Variants in MACC1 observed in about 807,000 individuals in gnomAD.
MACC1 encodes the protein metastasis-associated in colon cancer protein 1.
Under a neutral mutation model 70.7 loss-of-function variants are expected in MACC1, and 79 were observed. The ratio of observed to expected loss-of-function variants is 1.12; its 90% CI spans 0.93 to 1.35. The LOEUF (loss-of-function observed/expected upper bound fraction) is 1.35, where lower values mean the gene tolerates loss of function less well. Among genes scored for constraint, MACC1 ranks in the 40% most tolerant of loss-of-function variants. The probability of loss-of-function intolerance (pLI) is 0.00; values close to 1 mark genes in which losing one functional copy is unlikely to be tolerated. For missense variants in MACC1, 1,106 were observed against 978.1 expected (o/e 1.13, Z -1.74); for synonymous variants, 361 against 347.2 (o/e 1.04, Z -0.44).
intron 1 of MACC1, among the ~76,000 whole-genome samples, chr7:20,204,228 C>T (rs896703618): frequency 3.3e-5 from 5 of 152,088 alleles, no homozygotes; most frequent in Non-Finnish European, 7.4e-5. Context: ...GATCTCGGCT[C>T]ACTGCAAACT....
In MACC1 at chr7:20,137,991, A is replaced by G. The variant is rs1282097759; in HGVS notation, c.*2955T>C. 6.6e-6 allele frequency: 1 copy of G among 151,812 alleles called. No homozygotes were observed. The highest frequency in any genetic ancestry group is 1.5e-5 in the Non-Finnish European group (1 of 67,958). The allele number at this position is 151,812 out of a possible 1,614,324, so 9.4% of individuals were successfully genotyped here. ...AAAATGGTAAAACCTTGTCTCCACT[A>G]AAAATACAAAAATTACCCGGACAAG... On this transcript the variant is annotated 3_prime_UTR_variant, in exon 7 of 7. Transcript: ENST00000400331.
intron 2 of MACC1, 131 bp from the exon 3 acceptor site, chr7:20,164,530 T>A (rs1295329508): frequency 6.6e-6 from 1 of 152,012 alleles, no homozygotes; most frequent in Non-Finnish European, 1.5e-5. Flanking sequence ...AATTGTCTCA[T>A]AAGGTGGCAT....
rs1490927554 is a variant in MACC1 at position 20,136,866 on chromosome 7, TAA to T, written c.*4078_*4079del. 1.4e-5 allele frequency: 2 copies of T among 141,040 alleles called. No homozygotes were observed. Among genetic ancestry groups the T allele is most frequent in the Non-Finnish European group, 3.2e-5 (2 of 62,244 alleles). The allele number at this position is 141,040 out of a possible 1,614,324, so 8.7% of individuals were successfully genotyped here. On this transcript the variant is annotated 3_prime_UTR_variant, in exon 7 of 7. Coordinates refer to ENST00000400331, the MANE Select transcript of MACC1 (RefSeq NM_182762.4). ...ATTATTAATTGTAATTATTAATTCT[TAA>T]AGATTATTAATTATAATATTAAATT...
chr7:20,198,217 C>A (rs1214982519), intron 1 of MACC1, among the ~76,000 whole-genome samples: 2 of 152,140 alleles, frequency 1.3e-5, no homozygotes, highest in East Asian at 3.9e-4. Flanking sequence ...AGAAGCAAAC[C>A]ATTACCAAAG....
rs55989776 is a variant in MACC1, at chr7:20,140,884, G to GAC, written c.*60_*61dup. On this transcript the variant is annotated 3_prime_UTR_variant, in exon 7 of 7. Transcript: ENST00000400331. ...ACAGAGACACACACAGACACACACA[G>GAC]ACACACACACACACACACCATTACC... is the stretch of plus-strand genomic sequence containing the variant. 451,098 of 981,514 alleles carry GAC rather than the reference G, an allele frequency of 0.46. 71,867 individuals carry two copies. Among genetic ancestry groups the GAC allele is most frequent in the East Asian group, 0.63 (22,116 of 35,000 alleles). The allele number at this position is 981,514 out of a possible 1,614,324, so 60.8% of individuals were successfully genotyped here. A position where few individuals can be genotyped will look rare whatever the true frequency, so the allele number is the denominator to read the frequency against.
chr7:20,166,446 G>A (rs73082550), intron 2 of MACC1, among the ~76,000 whole-genome samples: 10,485 of 152,194 alleles, frequency 0.069, 554 homozygotes, highest in East Asian at 0.27. Flanking sequence ...TGGCCTTACT[G>A]GATCTTACCC....
At chr7:20,198,719 A>C (rs1782789516) in intron 1 of MACC1, 1 of 152,238 alleles carries the variant, frequency 6.6e-6, no homozygotes, top group East Asian at 1.9e-4. Context: ...AGCCAAAATT[A>C]CTTGTATATT....
At chr7:20,204,196 A>C (rs1034391881) in intron 1 of MACC1, among the ~76,000 whole-genome samples, 3 of 151,944 alleles carry the variant, frequency 2.0e-5, no homozygotes, top group Non-Finnish European at 4.4e-5. Context: ...GCTCTGTTGC[A>C]CAGGCTGGAG....
chr7:20,154,725 A>G (rs1479390088), intron 5 of MACC1, among the ~76,000 whole-genome samples: 1 of 152,176 alleles, frequency 6.6e-6, no homozygotes, highest in East Asian at 1.9e-4. Context: ...AAGTTCCGGC[A>G]GTCTCTAATT....
At position 20,134,720 on chromosome 7, in the gene MACC1, T is replaced by C. The variant is rs1444603853; in HGVS notation, c.*6226A>G. 1 of 152,212 alleles carries C rather than the reference T, an allele frequency of 6.6e-6. No individual in the cohort carries two copies. The highest frequency in any genetic ancestry group is 1.5e-5 in the Non-Finnish European group (1 of 68,026). 9.4% of individuals were successfully genotyped at this position (152,212 alleles called of 1,614,324 possible). ...TAAATGCCCCAGTAAATTCCATGTATTGAGTTTAAGTGAGCATATAAACAT... is the reference window on the plus strand; with the variant it reads ...TAAATGCCCCAGTAAATTCCATGTACTGAGTTTAAGTGAGCATATAAACAT... On this transcript the variant is annotated 3_prime_UTR_variant, in exon 7 of 7. Transcript: ENST00000400331.
rs770118195 is a variant in MACC1, at chr7:20,159,288, G to T, written c.1073C>A (p.Pro358Gln). 6.2e-7 allele frequency: 1 copy of T among 1,614,058 alleles called. No homozygotes were observed. The highest frequency in any genetic ancestry group is 2.2e-5 in the East Asian group (1 of 44,860). ...GATATAATCCCAAATGGTGGCAGCT[G>T]GTGACGGAAGAGCTTTAGCTTGTGC... ...VAAQAKALPS[P>Q]AATIWDYIHK... Residue 358 changes from proline to glutamine, a missense_variant, in exon 5 of 7, where the codon CCA (proline) becomes CAA (glutamine). Physicochemically the swap from Pro to Gln is moderately conservative, Grantham distance 76. Coordinates refer to ENST00000400331, the MANE Select transcript of MACC1 (RefSeq NM_182762.4).
intron 1 of MACC1, among the ~76,000 whole-genome samples, chr7:20,178,295 A>T (rs1191157463): frequency 2.4e-5 from 1 of 41,836 alleles, no homozygotes; most frequent in Non-Finnish European, 3.8e-5. Context: ...ACACACACAC[A>T]CACTCCAGAG....
chr7:20,194,116 T>C (rs1396669907), intron 1 of MACC1, among the ~76,000 whole-genome samples: 3 of 152,154 alleles, frequency 2.0e-5, no homozygotes, highest in Non-Finnish European at 4.4e-5. Flanking sequence ...ACCCACATCC[T>C]ATCTTGTCAC....
Position 20,160,026 on chromosome 7 carries a change from G to T in MACC1, c.335C>A (p.Ser112Tyr). ...AAGTTCATCACCGGAGGAATCAAAA[G>T]AATTTCCATTTTCTATTTCTCTACA... ...LFCREIENGN[S>Y]FDSSGDELDV... Residue 112 changes from serine (S) to tyrosine (Y), a missense_variant, in exon 5 of 7, where the codon TCT (serine) becomes TAT (tyrosine). By Grantham distance (144) the Ser-to-Tyr change is moderately radical (BLOSUM62 -2). Coordinates refer to ENST00000400331, the MANE Select transcript of MACC1 (RefSeq NM_182762.4). The T allele has an allele frequency of 6.2e-7, 1 of 1,611,152 alleles. No individual in the cohort carries two copies. Among genetic ancestry groups the T allele is most frequent in the Non-Finnish European group, 8.5e-7 (1 of 1,179,114 alleles).
intron 1 of MACC1, among the ~76,000 whole-genome samples, chr7:20,192,700 T>C (rs367706230): frequency 6.6e-6 from 1 of 152,226 alleles, no homozygotes; most frequent in African/African-American, 2.4e-5. Flanking sequence ...TAGTTTGCTA[T>C]ATAGCAATAG....
At chr7:20,151,354 ACT>A (rs1781975008) in intron 6 of MACC1, among the ~76,000 whole-genome samples, 1 of 152,110 alleles carries the variant, frequency 6.6e-6, no homozygotes, top group African/African-American at 2.4e-5. Context: ...AAAAATTAAA[ACT>A]CTAAATATAT....
At chr7:20,168,214 A>C (rs1438053070) in intron 2 of MACC1, among the ~76,000 whole-genome samples, 1 of 152,228 alleles carries the variant, frequency 6.6e-6, no homozygotes, top group Non-Finnish European at 1.5e-5. Context: ...CAAATAGTCA[A>C]ATAACACAAT....
intron 1 of MACC1, among the ~76,000 whole-genome samples, chr7:20,193,782 CTT>C (rs66625746): frequency 1.3e-4 from 18 of 142,442 alleles, no homozygotes; most frequent in Non-Finnish European, 1.4e-4. Flanking sequence ...TCTATTCCTT[CTT>C]TTTTTTTTTT....
intron 6 of MACC1, among the ~76,000 whole-genome samples, chr7:20,144,922 A>G (rs4721886): frequency 0.67 from 101,614 of 151,464 alleles, 34,932 homozygotes; most frequent in East Asian, 0.87. Context: ...GGAGTCAAAG[A>G]AAAAGAAAGT....
Sources: gnomAD v4.1 joint callset for allele counts (sites outside exome capture counted in the v4.1 genomes callset) on GRCh38, gnomAD v4.1.1 for gene constraint, MANE v1.5 for transcripts, NCBI Gene and HGNC (gene_info 2026-07-23, HGNC 2026-07-21) for gene names.